Variants in TMLHE observed in about 807,000 individuals in gnomAD.
The protein encoded by TMLHE is trimethyllysine dioxygenase, mitochondrial.
Under a neutral mutation model 25.7 loss-of-function variants are expected in TMLHE, and 18 were observed. The ratio of observed to expected loss-of-function variants is 0.70; its 90% CI spans 0.48 to 1.04. The LOEUF is 1.04. TMLHE is among the 50% of genes least tolerant of loss of function. TMLHE has a pLI of 0.00. For missense variants in TMLHE, 236 were observed against 259.0 expected (o/e 0.91, Z 0.61); for synonymous variants, 105 against 97.0 (o/e 1.08, Z -0.49).
At chrX:155,515,802 C>A (rs1168481968) in intron 3 of TMLHE, among the ~76,000 whole-genome samples, 5 of 110,242 alleles carry the variant, frequency 4.5e-5, no homozygotes, top group African/African-American at 1.6e-4. Flanking sequence ...TGAGTCAAAT[C>A]TGGTGCTTGG....
intron 1 of TMLHE, among the ~76,000 whole-genome samples, chrX:155,558,157 CT>C (rs1199988381): frequency 1.8e-5 from 2 of 112,105 alleles, no homozygotes; most frequent in African/African-American, 3.2e-5. Flanking sequence ...CTTCCTGCTA[CT>C]TACCTCCTTG....
chrX:155,556,841 G>A (rs1476172124), intron 1 of TMLHE, among the ~76,000 whole-genome samples: 1 of 111,068 alleles, frequency 9.0e-6, no homozygotes, highest in African/African-American at 3.3e-5. Flanking sequence ...AGACAGGTAC[G>A]CCCCGGGGGG....
At position 155,612,940 on chromosome X, in the gene TMLHE, C is replaced by T. The variant is rs1238315027; in HGVS notation, c.-150G>A. ...TCCCCTCCCCCAGCCCGCTCGGGCC[C>T]AGCGGAGAGCCTGTAGGCCCCGCCC... On this transcript the variant is annotated 5_prime_UTR_variant, in exon 1 of 8. Coordinates refer to ENST00000334398, the MANE Select transcript of TMLHE (RefSeq NM_018196.4). The T allele has an allele frequency of 8.9e-6, 1 of 112,428 alleles. No homozygotes were observed. The highest frequency in any genetic ancestry group is 1.9e-5 in the Non-Finnish European group (1 of 53,219). The allele number at this position is 112,428 out of a possible 1,213,427, so 9.3% of individuals were successfully genotyped here.
chrX:155,556,640 C>T (rs1435403145), intron 1 of TMLHE, among the ~76,000 whole-genome samples: 2 of 109,061 alleles, frequency 1.8e-5, no homozygotes, highest in Admixed American at 9.8e-5. Flanking sequence ...GACCACAGGA[C>T]GGAAGCGAAA....
chrX:155,536,369 T>G (rs782694158), intron 2 of TMLHE, among the ~76,000 whole-genome samples: 8 of 111,684 alleles, frequency 7.2e-5, no homozygotes, highest in Non-Finnish European at 1.5e-4. Flanking sequence ...ACAAATGATC[T>G]TCTCCTGCTC....
chrX:155,539,969 G>A (rs1008546169), intron 2 of TMLHE, among the ~76,000 whole-genome samples: 3 of 109,277 alleles, frequency 2.7e-5, no homozygotes, highest in Non-Finnish European at 5.7e-5. Flanking sequence ...TAAACTCATC[G>A]ATAGGGCTTT....
chrX:155,554,876 T>C (rs1310735695), intron 1 of TMLHE, among the ~76,000 whole-genome samples: 1 of 108,888 alleles, frequency 9.2e-6, no homozygotes, highest in Non-Finnish European at 1.9e-5. Context: ...GGTCTCTTCT[T>C]TTTTTTTTCC....
intron 1 of TMLHE, among the ~76,000 whole-genome samples, chrX:155,548,668 A>C (rs782573380): frequency 1.8e-5 from 2 of 108,537 alleles, no homozygotes; most frequent in African/African-American, 6.8e-5. Context: ...CCAGGAGGCA[A>C]AGGTTGCAGT....
At position 155,571,508 on chromosome X, in the gene TMLHE, A is replaced by G. The variant is rs1274515604; in HGVS notation, c.-1-26231T>C. Among the ~76,000 whole-genome samples the G allele has an allele frequency of 5.7e-5, 3 of 52,895 alleles. 1 individual carries two copies. The Admixed American group carries it at 6.8e-4, about 12-fold the overall frequency. 45.9% of individuals were successfully genotyped at this position (52,895 alleles called of 115,157 possible). ...ATGAGGCCAGCATCATCCTGATACC[A>G]AAGCCGGGCAGAGACACAACCAAAA... is the stretch of plus-strand genomic sequence containing the variant. On this transcript the variant is annotated intron_variant, in intron 1 of 7. Transcript: ENST00000334398.
intron 1 of TMLHE, among the ~76,000 whole-genome samples, chrX:155,565,407 G>T (rs1366697047): frequency 1.6e-5 from 1 of 61,852 alleles, no homozygotes; most frequent in African/African-American, 3.6e-5. Context: ...TACCCCTTGA[G>T]TTTCCTGGTA....
intron 5 of TMLHE, among the ~76,000 whole-genome samples, chrX:155,510,054 A>T (rs2067097326): frequency 9.0e-6 from 1 of 111,478 alleles, no homozygotes; most frequent in South Asian, 3.7e-4. Flanking sequence ...CTGTGTTTGC[A>T]TGACGACCCT....
rs782489246 is a variant in TMLHE, at chrX:155,521,928, C to G, written c.358+2528G>C. Reference sequence around the variant, plus strand: ...TGGCCTGCGCCCACTGTCTGGCACTCCCTAGTGAGATGAACCCGGTACCTC... The same window carrying G: ...TGGCCTGCGCCCACTGTCTGGCACTGCCTAGTGAGATGAACCCGGTACCTC... On this transcript the variant is annotated intron_variant, in intron 3 of 7. Coordinates refer to ENST00000334398, the MANE Select transcript of TMLHE (RefSeq NM_018196.4). Among the ~76,000 whole-genome samples, 10 of 97,829 alleles carry G rather than the reference C, an allele frequency of 1.0e-4. 1 individual carries two copies. The East Asian group carries it at 3.3e-3, about 33-fold the overall frequency. The allele number at this position is 97,829 out of a possible 115,157, so 85.0% of individuals were successfully genotyped here. A position where few individuals can be genotyped will look rare whatever the true frequency, so the allele number is the denominator to read the frequency against.
chrX:155,548,539 G>C (rs372805336), intron 1 of TMLHE, among the ~76,000 whole-genome samples: 3 of 107,093 alleles, frequency 2.8e-5, no homozygotes, highest in Non-Finnish European at 5.8e-5. Flanking sequence ...TATGAGGCCA[G>C]CCTGACTAAC....
intron 1 of TMLHE, among the ~76,000 whole-genome samples, chrX:155,591,633 A>G (rs1484645794): frequency 1.8e-5 from 2 of 111,844 alleles, no homozygotes; most frequent in Non-Finnish European, 3.8e-5. Context: ...TAAAACTAAT[A>G]TACCAAAATT....
chrX:155,597,305 C>T (rs2067727538), intron 1 of TMLHE, among the ~76,000 whole-genome samples: 1 of 110,737 alleles, frequency 9.0e-6, no homozygotes, highest in African/African-American at 3.3e-5. Flanking sequence ...GATACCATCT[C>T]ACACTAGTTA....
intron 1 of TMLHE, among the ~76,000 whole-genome samples, chrX:155,604,455 A>G (rs1173592990): frequency 9.0e-6 from 1 of 111,569 alleles, no homozygotes; most frequent in Non-Finnish European, 1.9e-5. Flanking sequence ...GAATGCTCCA[A>G]ATGATAGTAG....
chrX:155,585,454 T>C lies in TMLHE; in HGVS notation c.-2+27338A>G, dbSNP rs782245689. On this transcript the variant is annotated intron_variant, in intron 1 of 7. Coordinates refer to ENST00000334398, the MANE Select transcript of TMLHE (RefSeq NM_018196.4). ...ACACACACACACACACACACACACA[T>C]ATATATATGCTTTATGAATCTGTGT... Among the ~76,000 whole-genome samples the C allele has an allele frequency of 2.3e-3, 236 of 103,589 alleles. 1 individual carries two copies. The highest frequency in any genetic ancestry group is 8.6e-3 in the African/African-American group (225 of 26,253). 90.0% of individuals were successfully genotyped at this position (103,589 alleles called of 115,157 possible). A position where few individuals can be genotyped will look rare whatever the true frequency, so the allele number is the denominator to read the frequency against.
intron 1 of TMLHE, among the ~76,000 whole-genome samples, chrX:155,589,027 G>T (rs2067680329): frequency 8.9e-6 from 1 of 112,027 alleles, no homozygotes. Flanking sequence ...AAGAATACCT[G>T]CACTTACATG....
intron 1 of TMLHE, among the ~76,000 whole-genome samples, chrX:155,554,496 A>AATC (rs781787396): frequency 3.6e-5 from 4 of 111,269 alleles, no homozygotes; most frequent in Non-Finnish European, 5.7e-5. Flanking sequence ...AGTCAAAGCC[A>AATC]ATCTAATTGC....
Sources: allele counts gnomAD v4.1 joint callset (sites outside exome capture counted in the v4.1 genomes callset), GRCh38; gene constraint gnomAD v4.1.1; transcripts MANE v1.5; gene names NCBI Gene and HGNC (gene_info 2026-07-23, HGNC 2026-07-21).